Variants in BABAM2 observed in about 807,000 individuals in gnomAD.
BABAM2 encodes the protein BRISC and BRCA1-A complex member 2.
A neutral mutation model predicts 54.7 loss-of-function variants in BABAM2; 31 were observed. The observed-to-expected ratio is 0.57, with a 90% CI of 0.43 to 0.77. The LOEUF is 0.77. Ranked by LOEUF, BABAM2 falls within the 30% of genes least tolerant of loss-of-function variation. The probability of loss-of-function intolerance (pLI) is 0.00; values close to 1 mark genes in which losing one functional copy is unlikely to be tolerated. For synonymous variants in BABAM2, 167 were observed against 162.9 expected (o/e 1.03, Z -0.19); for missense variants, 364 against 455.8 (o/e 0.80, Z 1.83).
intron 1 of BABAM2, among the ~76,000 whole-genome samples, chr2:27,893,415 T>C (rs891034518): frequency 6.6e-6 from 1 of 152,234 alleles, no homozygotes; most frequent in Non-Finnish European, 1.5e-5. Flanking sequence ...GTTTTCATAA[T>C]TTAATTGTCA....
intron 7 of BABAM2, among the ~76,000 whole-genome samples, chr2:28,175,177 A>C (rs1224393798): frequency 1.3e-5 from 2 of 152,016 alleles, no homozygotes; most frequent in African/African-American, 4.8e-5. Flanking sequence ...ACCGAAGCTT[A>C]TGCTCCCCAG....
At chr2:28,104,480 C>T (rs1667335894) in intron 6 of BABAM2, among the ~76,000 whole-genome samples, 1 of 152,142 alleles carries the variant, frequency 6.6e-6, no homozygotes, top group Non-Finnish European at 1.5e-5. Context: ...AAATCAAAAC[C>T]ACAATGAGAT....
chr2:28,088,626 A>G (rs181494053), intron 6 of BABAM2, among the ~76,000 whole-genome samples: 1 of 152,276 alleles, frequency 6.6e-6, no homozygotes, highest in African/African-American at 2.4e-5. Flanking sequence ...GGGAGCTTTA[A>G]AAACTCCCAA....
intron 11 of BABAM2, among the ~76,000 whole-genome samples, chr2:28,306,995 CTTTTTTTTTTTTTTTTTT>C: frequency 3.8e-5 from 1 of 26,396 alleles, no homozygotes; most frequent in South Asian, 1.9e-3. Flanking sequence ...CACACCTGGC[CTTTTTTTTTTTTTTTTTT>C]TTTTTTTTTT....
At position 28,065,020 on chromosome 2, in the gene BABAM2, A is replaced by G. The variant is rs1175752871; in HGVS notation, c.570+19221A>G. On this transcript the variant is annotated intron_variant, in intron 6 of 11. Transcript: ENST00000379624. ...TCTATCTCAAAAAAAAAAAAAAAAG[A>G]ACCATTTACTTGAGGGCACACAGCT... 2.0e-5 allele frequency among the ~76,000 whole-genome samples: 3 copies of G among 151,280 alleles called. No homozygotes were observed. The East Asian group carries it at 5.8e-4, about 29-fold the overall frequency.
At chr2:27,902,315 T>A (rs1258709097) in intron 2 of BABAM2, among the ~76,000 whole-genome samples, 3 of 152,160 alleles carry the variant, frequency 2.0e-5, no homozygotes, top group Non-Finnish European at 4.4e-5. Context: ...TAAGCACTGT[T>A]TTGTGAATTT....
intron 11 of BABAM2, among the ~76,000 whole-genome samples, chr2:28,337,380 A>T (rs959981959): frequency 3.3e-5 from 5 of 152,064 alleles, no homozygotes; most frequent in Admixed American, 2.0e-4. Context: ...GGGGTTACCC[A>T]TGTGTCCGTC....
chr2:28,003,078 T>G (rs182697549), intron 4 of BABAM2, among the ~76,000 whole-genome samples: 2 of 152,364 alleles, frequency 1.3e-5, no homozygotes, highest in East Asian at 3.9e-4. Context: ...ATGTTCCCAA[T>G]ATACTTCATG....
chr2:28,298,313 CT>C (rs1687855733), intron 10 of BABAM2, 24 bp from the exon 11 acceptor site: 7 of 1,605,922 alleles, frequency 4.4e-6, no homozygotes, highest in African/African-American at 1.3e-5. Flanking sequence ...CTCTAACTTT[CT>C]TTTTCTTTCT....
chr2:28,296,790 C>T (rs1357396934), intron 10 of BABAM2, among the ~76,000 whole-genome samples: 12 of 152,144 alleles, frequency 7.9e-5, no homozygotes, highest in Admixed American at 4.6e-4. Context: ...CGGATTCAAG[C>T]GATTCTTCTG....
chr2:28,170,418 A>G (rs1674197202), intron 7 of BABAM2, among the ~76,000 whole-genome samples: 1 of 152,080 alleles, frequency 6.6e-6, no homozygotes, highest in African/African-American at 2.4e-5. Context: ...TAAATACTTT[A>G]AAGAATAGAG....
At chr2:28,122,641 G>A (rs1315220010) in intron 6 of BABAM2, among the ~76,000 whole-genome samples, 1 of 152,128 alleles carries the variant, frequency 6.6e-6, no homozygotes, top group Non-Finnish European at 1.5e-5. Flanking sequence ...TTGGTAGTTT[G>A]TACCTATATT....
intron 6 of BABAM2, among the ~76,000 whole-genome samples, chr2:28,108,169 T>A (rs1667690174): frequency 2.0e-5 from 3 of 152,226 alleles, no homozygotes; most frequent in African/African-American, 7.2e-5. Context: ...CATATATATA[T>A]ATGGCAACAT....
chr2:27,911,283 G>A (rs1666576808), intron 2 of BABAM2, among the ~76,000 whole-genome samples: 1 of 152,124 alleles, frequency 6.6e-6, no homozygotes, highest in South Asian at 2.1e-4. Context: ...TCTATTACAT[G>A]TCTTTTTGCA....
intron 11 of BABAM2, among the ~76,000 whole-genome samples, chr2:28,334,242 A>G (rs1258232005): frequency 6.6e-6 from 1 of 152,262 alleles, no homozygotes; most frequent in African/African-American, 2.4e-5. Flanking sequence ...GGAGCTTGCA[A>G]TGTTGTAGCC....
In BABAM2 at chr2:28,016,360, C is replaced by T. The variant is rs1573396809; in HGVS notation, c.301-8866C>T. The T allele has an allele frequency of 2.3e-6, 3 of 1,306,786 alleles. No homozygotes were observed. In the Admixed American group the frequency reaches 5.1e-5, roughly 22 times the overall value. The allele number at this position is 1,306,786 out of a possible 1,614,324, so 80.9% of individuals were successfully genotyped here. A position where few individuals can be genotyped will look rare whatever the true frequency, so the allele number is the denominator to read the frequency against. On this transcript the variant is annotated intron_variant, in intron 4 of 11. Coordinates refer to ENST00000379624, the MANE Select transcript of BABAM2 (RefSeq NM_199191.3). ...TTTCTAGTTGCTCTTTTACTTCTTC[C>T]CAGGTAGGCCTTGATCGATTCAGAT... is the stretch of plus-strand genomic sequence containing the variant.
chr2:28,113,062 T>C (rs1255680838), intron 6 of BABAM2, among the ~76,000 whole-genome samples: 1 of 152,218 alleles, frequency 6.6e-6, no homozygotes, highest in African/African-American at 2.4e-5. Flanking sequence ...TGTTATTTTC[T>C]TGTAAATTTG....
At chr2:28,042,921 G>A (rs2148605267) in intron 5 of BABAM2, among the ~76,000 whole-genome samples, 1 of 151,928 alleles carries the variant, frequency 6.6e-6, no homozygotes, top group Admixed American at 6.5e-5. Context: ...CTACTCGGGA[G>A]GCTGAGGCAG....
chr2:28,129,117 G>A (rs1447113892), intron 6 of BABAM2, among the ~76,000 whole-genome samples, 154 bp from the exon 7 acceptor site: 1 of 152,194 alleles, frequency 6.6e-6, no homozygotes, highest in Non-Finnish European at 1.5e-5. Context: ...AGAGGAGTGG[G>A]TAGGTGTGTG....
Sources: allele counts gnomAD v4.1 joint callset (sites outside exome capture counted in the v4.1 genomes callset), GRCh38; gene constraint gnomAD v4.1.1; transcripts MANE v1.5; gene names NCBI Gene and HGNC (gene_info 2026-07-23, HGNC 2026-07-21).